Variants in GFRAL observed in about 807,000 individuals in gnomAD.
The protein encoded by GFRAL is GDNF family receptor alpha like, also known as GDNF family receptor alpha-like.
Under a neutral mutation model 45.4 loss-of-function variants are expected in GFRAL, and 36 were observed. The observed-to-expected ratio is 0.79, with a 90% CI of 0.61 to 1.05. The LOEUF (loss-of-function observed/expected upper bound fraction) is 1.05. GFRAL is among the 50% of genes least tolerant of loss of function. GFRAL has a pLI of 0.00. For synonymous variants in GFRAL, 166 were observed against 154.1 expected, an observed-to-expected ratio of 1.08 and a Z score of -0.57; for missense variants, 507 against 467.5, an observed-to-expected ratio of 1.08 and a Z score of -0.78.
intron 3 of GFRAL, among the ~76,000 whole-genome samples, chr6:55,344,861 A>G (rs190040525): frequency 3.1e-3 from 470 of 152,330 alleles, no homozygotes; most frequent in Non-Finnish European, 4.9e-3. Flanking sequence ...TACAAAATCA[A>G]TGTGCAAAAA....
At chr6:55,336,866 C>A (rs1327189013) in intron 3 of GFRAL, among the ~76,000 whole-genome samples, 1 of 152,006 alleles carries the variant, frequency 6.6e-6, no homozygotes, top group Non-Finnish European at 1.5e-5. Flanking sequence ...TGCAGGTTCT[C>A]TTTATCAAGT....
chr6:55,361,262 T>A (rs1768271825), intron 6 of GFRAL, among the ~76,000 whole-genome samples: 1 of 152,016 alleles, frequency 6.6e-6, no homozygotes, highest in Admixed American at 6.6e-5. Context: ...GTCACAGTTC[T>A]TGGTAGAATT....
At chr6:55,397,644 C>T (rs1768844940) in intron 6 of GFRAL, among the ~76,000 whole-genome samples, 2 of 150,302 alleles carry the variant, frequency 1.3e-5, no homozygotes, top group South Asian at 4.2e-4. Context: ...CTGCTGCTTT[C>T]TGACCCACTC....
intron 6 of GFRAL, among the ~76,000 whole-genome samples, chr6:55,392,008 A>T (rs1581760712): frequency 6.6e-6 from 1 of 152,208 alleles, no homozygotes; most frequent in Non-Finnish European, 1.5e-5. Context: ...GATTTCACTC[A>T]TGAAACCAAC....
intron 3 of GFRAL, among the ~76,000 whole-genome samples, chr6:55,345,793 C>T (rs1479248671): frequency 1.1e-4 from 17 of 152,082 alleles, no homozygotes; most frequent in Non-Finnish European, 2.5e-4. Context: ...GCAATCTACC[C>T]ATCTGACAAA....
At position 55,350,103 on chromosome 6, in the gene GFRAL, G is replaced by A; in HGVS notation, c.328G>A (p.Glu110Lys). Residue 110 changes from glutamate to lysine, a missense_variant, in exon 4 of 9, where the codon GAG becomes AAG. Coordinates refer to ENST00000340465, the MANE Select transcript of GFRAL (RefSeq NM_207410.2). ...KCINKSDNVKEDKFKWNLTTR... is the reference protein window; with the variant it reads ...KCINKSDNVKKDKFKWNLTTR... ...TGTTTTCCTTCTAGATAACGTGAAAGAGGATAAATTCAAATGGAATCTAAC... is the reference window on the plus strand; with the variant it reads ...TGTTTTCCTTCTAGATAACGTGAAAAAGGATAAATTCAAATGGAATCTAAC... The A allele has an allele frequency of 6.5e-7, 1 of 1,535,556 alleles. No individual in the cohort carries two copies. The highest frequency in any genetic ancestry group is 1.1e-5 in the South Asian group (1 of 89,064).
rs375349427 is a variant in GFRAL, at chr6:55,341,654, T to C, written c.316+7710T>C. Among the ~76,000 whole-genome samples, 616 of 152,232 alleles carry C rather than the reference T, an allele frequency of 4.0e-3. 7 individuals are homozygous for C. The highest frequency in any genetic ancestry group is 0.014 in the African/African-American group (589 of 41,540). ...AAGGAATGCAACACCTCGCCAGCAA[T>C]GGAACAAAGCTGGATGGAGAATGAC... is the stretch of plus-strand genomic sequence containing the variant. On this transcript the variant is annotated intron_variant, in intron 3 of 8. Transcript: ENST00000340465.
At chr6:55,389,668 A>C (rs1436657344) in intron 6 of GFRAL, among the ~76,000 whole-genome samples, 3 of 152,188 alleles carry the variant, frequency 2.0e-5, no homozygotes, top group African/African-American at 7.2e-5. Flanking sequence ...TCTTCAATCC[A>C]TGATTGGAAG....
At chr6:55,393,457 T>C (rs1215548775) in intron 6 of GFRAL, among the ~76,000 whole-genome samples, 3 of 152,232 alleles carry the variant, frequency 2.0e-5, no homozygotes, top group Admixed American at 6.5e-5. Context: ...CCCTTGAAAA[T>C]AGAGAATGAC....
rs9370418 is a variant in GFRAL, at chr6:55,401,827, T to C, written c.1159T>C (p.Ser387Pro). 1,103,037 of 1,532,510 alleles carry C rather than the reference T, an allele frequency of 0.72. 400,161 individuals are homozygous for C. The highest frequency in any genetic ancestry group is 0.8 in the East Asian group (35,560 of 44,456). The allele number at this position is 1,532,510 out of a possible 1,614,324, so 94.9% of individuals were successfully genotyped here. The change falls in exon 9 of 9, where the codon TCG (serine) becomes CCG (proline). Residue 387 changes from serine (S) to proline (P), a missense_variant. Physicochemically the swap from Ser to Pro is moderately conservative, Grantham distance 74 (BLOSUM62 -1). Transcript: ENST00000340465. ...ATCAAGTAAAGCAAGAGATCCTTCA[T>C]CGATCCAAATACCTGGAGAACTCTG... ...RISSKARDPS[S>P]IQIPGEL is the part of the protein sequence containing the mutation.
Position 55,350,133 on chromosome 6 carries a change from C to G in GFRAL, c.358C>G (p.Arg120Gly). The G allele has an allele frequency of 6.5e-7, 1 of 1,533,984 alleles. No homozygotes were observed. Among genetic ancestry groups the G allele is most frequent in the Admixed American group, 1.7e-5 (1 of 59,634 alleles). ...EDKFKWNLTTRSHHGFKGMWS... is the reference protein window; with the variant it reads ...EDKFKWNLTTGSHHGFKGMWS... ...TAAATTCAAATGGAATCTAACTACA[C>G]GTTCCCATCATGGTAATGTTTTTAA... Residue 120 changes from arginine to glycine, a missense_variant, in exon 4 of 9, where the codon CGT becomes GGT. Physicochemically the swap from Arg to Gly is moderately radical, Grantham distance 125 (BLOSUM62 -2). Coordinates refer to ENST00000340465, the MANE Select transcript of GFRAL (RefSeq NM_207410.2).
At chr6:55,350,618 T>G (rs1768104248) in intron 4 of GFRAL, among the ~76,000 whole-genome samples, 1 of 152,114 alleles carries the variant, frequency 6.6e-6, no homozygotes, top group Non-Finnish European at 1.5e-5. Flanking sequence ...GGAGGATCAC[T>G]TGAGCCCAGG....
chr6:55,368,204 G>C (rs776055085), intron 6 of GFRAL, among the ~76,000 whole-genome samples: 1 of 151,436 alleles, frequency 6.6e-6, no homozygotes, highest in Non-Finnish European at 1.5e-5. Flanking sequence ...ATCTTCCATC[G>C]CTGATACCCT....
intron 6 of GFRAL, among the ~76,000 whole-genome samples, chr6:55,367,799 G>C (rs549055153): frequency 4.6e-5 from 7 of 152,198 alleles, no homozygotes; most frequent in African/African-American, 1.7e-4. Flanking sequence ...TAGGGTTTCT[G>C]CCAAGAGATC....
At chr6:55,331,660 A>G (rs1767830749) in intron 1 of GFRAL, 55 bp from the exon 2 acceptor site, 2 of 1,535,818 alleles carry the variant, frequency 1.3e-6, no homozygotes, top group Admixed American at 2.0e-5. Context: ...TTAGATTTGA[A>G]GAAAATGGAT....
chr6:55,350,922 C>T (rs115247399), intron 4 of GFRAL, among the ~76,000 whole-genome samples: 2,020 of 152,164 alleles, frequency 0.013, 25 homozygotes, highest in Non-Finnish European at 0.022. Flanking sequence ...CCATAAGCTA[C>T]ATAGTTCAAA....
At chr6:55,395,774 G>T (rs1230019816) in intron 6 of GFRAL, among the ~76,000 whole-genome samples, 1 of 127,944 alleles carries the variant, frequency 7.8e-6, no homozygotes, top group African/African-American at 3.0e-5. Flanking sequence ...GTTGCACAAG[G>T]ATTTTGGAAA....
Position 55,342,383 on chromosome 6 carries a change from G to T in GFRAL, c.317-7709G>T, listed in dbSNP as rs147088655. Among the ~76,000 whole-genome samples, 573 of 152,194 alleles carry T rather than the reference G, an allele frequency of 3.8e-3. 3 individuals are homozygous for T. Among genetic ancestry groups the T allele is most frequent in the Admixed American group, 4.8e-3 (74 of 15,284 alleles). ...GGGACCAATATTCAACATTCTTAAA[G>T]AAAAGAATTTTCAAACCAGAATTTC... On this transcript the variant is annotated intron_variant, in intron 3 of 8. Coordinates refer to ENST00000340465, the MANE Select transcript of GFRAL (RefSeq NM_207410.2).
At chr6:55,369,448 C>A (rs548010272) in intron 6 of GFRAL, among the ~76,000 whole-genome samples, 3 of 152,180 alleles carry the variant, frequency 2.0e-5, no homozygotes, top group Non-Finnish European at 2.9e-5. Flanking sequence ...TGTTCCTATT[C>A]GGCCATCTTG....
Sources: allele counts gnomAD v4.1 joint callset (sites outside exome capture counted in the v4.1 genomes callset), GRCh38; gene constraint gnomAD v4.1.1; transcripts MANE v1.5; gene names NCBI Gene and HGNC (gene_info 2026-07-23, HGNC 2026-07-21).